The following ERG variants were observed in gnomAD, a reference collection of about 807,000 sequenced individuals.
The protein encoded by ERG is transcriptional regulator ERG.
Under a neutral mutation model 55.3 loss-of-function variants are expected in ERG, and 9 were observed. The observed-to-expected ratio is 0.16, with a 90% CI of 0.10 to 0.28. The LOEUF (loss-of-function observed/expected upper bound fraction) is 0.28, where lower values mean the gene tolerates loss of function less well. Ranked by LOEUF, ERG falls within the 10% of genes least tolerant of loss-of-function variation. The pLI is 1.00. For synonymous variants in ERG, 223 were observed against 237.3 expected (o/e 0.94, Z 0.55); for missense variants, 434 against 631.6 (o/e 0.69, Z 3.35).
At chr21:38,558,619 C>T (rs553105429) in intron 2 of ERG, among the ~76,000 whole-genome samples, 24 of 152,312 alleles carry the variant, frequency 1.6e-4, no homozygotes, top group Non-Finnish European at 2.6e-4. Context: ...AATGTTGCCA[C>T]AACATTCCTA....
At chr21:38,504,388 A>T (rs1339207815) in intron 2 of ERG, among the ~76,000 whole-genome samples, 2 of 152,248 alleles carry the variant, frequency 1.3e-5, no homozygotes, top group African/African-American at 4.8e-5. Context: ...AAATGCAGGA[A>T]TATTAAAACC....
intron 6 of ERG, chr21:38,400,142 T>A: frequency 2.6e-6 from 1 of 382,826 alleles, no homozygotes; most frequent in East Asian, 4.4e-5. Flanking sequence ...AAGATTCAGA[T>A]GTAAATACTA....
intron 2 of ERG, among the ~76,000 whole-genome samples, chr21:38,542,786 AATAG>A (rs1194769119): frequency 1.3e-5 from 2 of 152,258 alleles, no homozygotes; most frequent in Non-Finnish European, 2.9e-5. Flanking sequence ...ACTACTCTGT[AATAG>A]ATAGAAAAGA....
At chr21:38,559,716 T>C (rs1401380994) in intron 2 of ERG, among the ~76,000 whole-genome samples, 1 of 152,176 alleles carries the variant, frequency 6.6e-6, no homozygotes, top group Non-Finnish European at 1.5e-5. Flanking sequence ...AGTTTCGCTC[T>C]TGTTGCCCAG....
At chr21:38,434,554 T>C (rs537908975) in intron 2 of ERG, among the ~76,000 whole-genome samples, 1 of 152,354 alleles carries the variant, frequency 6.6e-6, no homozygotes, top group East Asian at 1.9e-4. Flanking sequence ...AGTACATTTA[T>C]GAATGAATCT....
chr21:38,487,575 T>A (rs916741923), intron 1 of ERG, among the ~76,000 whole-genome samples: 22 of 152,184 alleles, frequency 1.4e-4, no homozygotes, highest in African/African-American at 5.3e-4. Flanking sequence ...TCCTGTAGCA[T>A]CACCCAAATG....
At chr21:38,400,254 A>G in intron 6 of ERG, 1 of 469,162 alleles carries the variant, frequency 2.1e-6, no homozygotes, top group East Asian at 3.9e-5. Flanking sequence ...TCTTCCCCCG[A>G]GGAGGGACAG....
chr21:38,569,337 C>G (rs537504654), intron 2 of ERG, among the ~76,000 whole-genome samples: 1 of 152,336 alleles, frequency 6.6e-6, no homozygotes, highest in Admixed American at 6.5e-5. Flanking sequence ...GGAAACGGCC[C>G]GTGCCCAGCT....
chr21:38,637,029 C>T (rs1461335856), intron 1 of ERG, among the ~76,000 whole-genome samples: 1 of 152,076 alleles, frequency 6.6e-6, no homozygotes, highest in Admixed American at 6.5e-5. Flanking sequence ...GGAAATGCTG[C>T]CCAGTGGGAG....
Position 38,381,986 on chromosome 21 carries a change from T to C in ERG, c.*1417A>G. 9.4e-7 allele frequency: 1 copy of C among 1,061,646 alleles called. No individual in the cohort carries two copies. Among genetic ancestry groups the C allele is most frequent in the Non-Finnish European group, 1.1e-6 (1 of 876,766 alleles). The allele number at this position is 1,061,646 out of a possible 1,614,324, so 65.8% of individuals were successfully genotyped here. A position where few individuals can be genotyped will look rare whatever the true frequency, so the allele number is the denominator to read the frequency against. ...TCAGCACATGTTTTCATTAAGCAACTTTAGTCACTAAAAAAAGTGCAAATG... is the reference window on the plus strand; with the variant it reads ...TCAGCACATGTTTTCATTAAGCAACCTTAGTCACTAAAAAAAGTGCAAATG... On this transcript the variant is annotated 3_prime_UTR_variant, in exon 10 of 10. Transcript: ENST00000288319.
At chr21:38,640,847 C>G (rs2060420158) in intron 1 of ERG, among the ~76,000 whole-genome samples, 1 of 152,118 alleles carries the variant, frequency 6.6e-6, no homozygotes, top group Admixed American at 6.5e-5. Flanking sequence ...AAGAGGACAG[C>G]AGTTACCTCT....
At chr21:38,595,889 T>C (rs1052042382) in intron 1 of ERG, among the ~76,000 whole-genome samples, 2 of 152,166 alleles carry the variant, frequency 1.3e-5, no homozygotes, top group Non-Finnish European at 2.9e-5. Context: ...TTTCAATTTG[T>C]AGCATTCATG....
In ERG at chr21:38,445,662, A is replaced by C. The variant is rs768265351; in HGVS notation, c.19-41T>G. On this transcript the variant is annotated intron_variant, in intron 1 of 9. Transcript: ENST00000288319. ...AACACATAATTCAAGACACTCCAAC[A>C]GACAGTCATGTTTCAAAAAGTTGTT... 2.3e-5 allele frequency: 36 copies of C among 1,540,454 alleles called. 2 individuals are homozygous for C. The Admixed American group carries it at 2.7e-4, about 12-fold the overall frequency.
At chr21:38,503,505 A>G (rs974100344) in intron 2 of ERG, among the ~76,000 whole-genome samples, 12 of 151,700 alleles carry the variant, frequency 7.9e-5, no homozygotes, top group Admixed American at 2.0e-4. Flanking sequence ...TCAGGAAGCC[A>G]GGATTACAGG....
chr21:38,570,794 T>A (rs1484101737), intron 2 of ERG, among the ~76,000 whole-genome samples: 1 of 152,196 alleles, frequency 6.6e-6, no homozygotes, highest in African/African-American at 2.4e-5. Flanking sequence ...TTTTCATGAC[T>A]AGCATCTCTG....
At chr21:38,599,442 C>T (rs1475655452) in intron 1 of ERG, among the ~76,000 whole-genome samples, 1 of 152,202 alleles carries the variant, frequency 6.6e-6, no homozygotes, top group African/African-American at 2.4e-5. Context: ...AGCTTTTAGA[C>T]CTTTGCTTCA....
At chr21:38,576,876 C>G (rs1184952762) in intron 1 of ERG, among the ~76,000 whole-genome samples, 1 of 152,166 alleles carries the variant, frequency 6.6e-6, no homozygotes, top group Non-Finnish European at 1.5e-5. Flanking sequence ...GGACCTCTCC[C>G]GTCATGGGGC....
chr21:38,527,292 A>G (rs2059636806), intron 2 of ERG, among the ~76,000 whole-genome samples: 1 of 152,226 alleles, frequency 6.6e-6, no homozygotes, highest in South Asian at 2.1e-4. Context: ...GTCTCAGACC[A>G]GCAGCCTCAG....
At chr21:38,374,758 A>G in the ERG span, among the ~76,000 whole-genome samples, 49 of 152,296 alleles carry the variant, frequency 3.2e-4, no homozygotes, top group African/African-American at 1.1e-3. Flanking sequence ...AGATGCCCCA[A>G]GCCCCACTCC....
Sources: gnomAD v4.1 joint callset for allele counts (sites outside exome capture counted in the v4.1 genomes callset) on GRCh38, gnomAD v4.1.1 for gene constraint, MANE v1.5 for transcripts, NCBI Gene and HGNC (gene_info 2026-07-23, HGNC 2026-07-21) for gene names.